The following LTA4H variants were observed in gnomAD, a reference collection of about 807,000 sequenced individuals.
The protein encoded by LTA4H is leukotriene A-4 hydrolase.
In LTA4H, 59 loss-of-function variants were observed where a neutral mutation model predicts 89.8. The ratio of observed to expected loss-of-function variants is 0.66; its 90% CI spans 0.53 to 0.82. The LOEUF (loss-of-function observed/expected upper bound fraction) is 0.82. Ranked by LOEUF, LTA4H falls within the 40% of genes least tolerant of loss-of-function variation. LTA4H has a pLI of 0.00. For synonymous variants in LTA4H, 227 were observed against 253.1 expected (o/e 0.90, Z 0.98); for missense variants, 617 against 727.0 (o/e 0.85, Z 1.74).
intron 4 of LTA4H, among the ~76,000 whole-genome samples, chr12:96,023,584 G>A (rs574059456): frequency 6.6e-6 from 1 of 152,240 alleles, no homozygotes; most frequent in African/African-American, 2.4e-5. Context: ...ATGTAATTTG[G>A]TTGTGGGATG....
rs1164292395 is a variant in LTA4H, at chr12:96,009,092, AC to A, written c.1434+1del. The stretch of plus-strand genomic sequence containing the variant: ...AATCAAAAATCACACATTATTACTT[AC>A]AGTAATCCATCTTTGACTTAAGGCA... On this transcript the variant is annotated splice_donor_variant, in intron 15 of 18. Transcript: ENST00000228740. LOFTEE classifies it high-confidence loss of function. 4 of 1,588,522 alleles carry A rather than the reference AC, an allele frequency of 2.5e-6. No homozygotes were observed. Among genetic ancestry groups the A allele is most frequent in the Non-Finnish European group, 3.5e-6 (4 of 1,158,376 alleles).
At chr12:96,003,978 G>T in intron 16 of LTA4H, 58 bp from the exon 17 acceptor site, 1 of 1,018,124 alleles carries the variant, frequency 9.8e-7, no homozygotes, top group South Asian at 1.5e-5. Context: ...TTGGAAGAAA[G>T]GAGCTGGAGA....
At position 96,035,438 on chromosome 12, in the gene LTA4H, C is replaced by T. The variant is rs2136924249; in HGVS notation, c.82G>A (p.Val28Ile). 1 of 1,609,996 alleles carries T rather than the reference C, an allele frequency of 6.2e-7. No individual in the cohort carries two copies. The highest frequency in any genetic ancestry group is 1.1e-5 in the South Asian group (1 of 90,218). Residue 28 changes from valine (V) to isoleucine (I), a missense_variant, in exon 1 of 19, where the codon GTC becomes ATC. Val to Ile is a conservative substitution (Grantham distance 29, BLOSUM62 3). Around this residue, in one of 3 missense-constraint regions of LTA4H, gnomAD observed 155 missense variants for 143.3 expected, o/e 1.08. Coordinates refer to ENST00000228740, the MANE Select transcript of LTA4H (RefSeq NM_000895.3). Reference protein sequence around the residue: ...RTKHLHLRCSVDFTRRTLTGT... With the variant: ...RTKHLHLRCSIDFTRRTLTGT... ...GTCAGCGTCCGGCGAGTAAAGTCGACGCTGCAGCGCAGGTGCAGGTGCTTG... is the reference window on the plus strand; with the variant it reads ...GTCAGCGTCCGGCGAGTAAAGTCGATGCTGCAGCGCAGGTGCAGGTGCTTG...
Position 96,029,161 on chromosome 12 carries a change from T to C in LTA4H, c.184A>G (p.Ile62Val), listed in dbSNP as rs1184471749. The change falls in exon 2 of 19, where the codon ATA (isoleucine) becomes GTA (valine). Residue 62 changes from isoleucine to valine, a missense_variant. Physicochemically the swap from Ile to Val is conservative, Grantham distance 29. Around this residue, in one of 3 missense-constraint regions of LTA4H, gnomAD observed 155 missense variants for 143.3 expected, o/e 1.08. Transcript: ENST00000228740. ...TGTCCATTGATCACTACTTTTTCTATTGTAAGGTCCTTTGTATCCAAAACC... is the reference window on the plus strand; with the variant it reads ...TGTCCATTGATCACTACTTTTTCTACTGTAAGGTCCTTTGTATCCAAAACC... Reference protein sequence around the residue: ...SLVLDTKDLTIEKVVINGQEV... With the variant: ...SLVLDTKDLTVEKVVINGQEV... 3 of 1,561,426 alleles carry C rather than the reference T, an allele frequency of 1.9e-6. No homozygotes were observed. The highest frequency in any genetic ancestry group is 2.4e-5 in the South Asian group (2 of 85,096).
chr12:96,027,444 C>T lies in LTA4H; in HGVS notation c.411G>A (p.Gln137=), dbSNP rs1264506815. ...GAAATCATTCTGGAATCCTTTTTAC[C>T]TGGCACTGACTAAAGAGATATGGGT... is the stretch of plus-strand genomic sequence containing the variant. ...KEHPYLFSQC[Q]AIHCRAILPC... is the part of the protein sequence containing the mutation. The change falls in exon 3 of 19, where the codon CAG becomes CAA. Residue 137 remains glutamine (Q), a splice_region_variant and synonymous_variant. Transcript: ENST00000228740. 2.5e-6 allele frequency: 4 copies of T among 1,586,832 alleles called. No homozygotes were observed. Among genetic ancestry groups the T allele is most frequent in the Non-Finnish European group, 3.4e-6 (4 of 1,170,282 alleles).
Position 96,035,500 on chromosome 12 carries a change from G to T in LTA4H, c.20C>A (p.Thr7Asn), listed in dbSNP as rs1555247847. Residue 7 changes from threonine to asparagine, a missense_variant, in exon 1 of 19, where the codon ACC (threonine) becomes AAC (asparagine). Thr to Asn is a moderately conservative substitution (Grantham distance 65). This residue lies in a region of LTA4H where 155 missense variants were observed against 143.3 expected (regional missense o/e 1.08). Transcript: ENST00000228740. The part of the protein sequence containing the change: MPEIVD[T>N]CSLASPASVC... ...GGAAGCCGGAGAGGCCAACGAACAG[G>T]TATCCACTATCTCGGGCATGGCTCT... 1.2e-6 allele frequency: 2 copies of T among 1,607,614 alleles called. No homozygotes were observed. Among genetic ancestry groups the T allele is most frequent in the Non-Finnish European group, 8.5e-7 (1 of 1,177,086 alleles).
chr12:96,035,756 T>C, upstream of LTA4H: 6 of 1,037,878 alleles, frequency 5.8e-6, no homozygotes, highest in Non-Finnish European at 7.7e-6. Context: ...AGCGTGTGTG[T>C]TAGGGATGTT....
intron 12 of LTA4H, chr12:96,014,431 A>G (rs1163459908): frequency 1.3e-5 from 2 of 157,628 alleles, no homozygotes; most frequent in African/African-American, 4.8e-5. Context: ...TTTTGTAATT[A>G]AAATAATTAC....
At chr12:96,036,597 A>G (rs1035830018), upstream of LTA4H, among the ~76,000 whole-genome samples, 1 of 152,214 alleles carries the variant, frequency 6.6e-6, no homozygotes, top group Non-Finnish European at 1.5e-5. Flanking sequence ...ATAGGTAAGT[A>G]GTAAGTTAGG....
intron 16 of LTA4H, 34 bp downstream of exon 16, chr12:96,006,280 A>T (rs781655302): frequency 7.2e-7 from 1 of 1,393,574 alleles, no homozygotes; most frequent in Non-Finnish European, 1.0e-6. Flanking sequence ...CTTTCTGTCC[A>T]TTTTAATTTC....
intron 14 of LTA4H, chr12:96,011,649 G>T (rs927009538): frequency 2.6e-5 from 4 of 152,278 alleles, no homozygotes; most frequent in Admixed American, 2.6e-4. Flanking sequence ...TGCTCTGTGA[G>T]TTCCTTATTC....
intron 8 of LTA4H, among the ~76,000 whole-genome samples, chr12:96,018,047 C>T (rs191371072): frequency 9.9e-5 from 15 of 151,960 alleles, no homozygotes; most frequent in Admixed American, 7.2e-4. Flanking sequence ...AACATAGCAG[C>T]GTTCTATGGC....
At chr12:96,001,401 T>A (rs1950100274) in intron 18 of LTA4H, among the ~76,000 whole-genome samples, 1 of 152,030 alleles carries the variant, frequency 6.6e-6, no homozygotes, top group Admixed American at 6.6e-5. Flanking sequence ...TACTGGCAGA[T>A]CAGACATTTT....
chr12:96,033,309 T>C (rs1389198363), intron 1 of LTA4H, among the ~76,000 whole-genome samples: 2 of 152,162 alleles, frequency 1.3e-5, no homozygotes, highest in Non-Finnish European at 2.9e-5. Context: ...CAAGGTTTTA[T>C]TATATCTTAA....
chr12:96,021,198 G>T, intron 5 of LTA4H, 61 bp from the exon 6 acceptor site: 3 of 1,234,452 alleles, frequency 2.4e-6, no homozygotes, highest in Non-Finnish European at 2.2e-6. Context: ...ATGTTACACA[G>T]TAAGACAATT....
chr12:96,008,690 AAGGTGGG>A (rs1950246997), intron 15 of LTA4H, among the ~76,000 whole-genome samples: 1 of 152,094 alleles, frequency 6.6e-6, no homozygotes, highest in South Asian at 2.1e-4. Flanking sequence ...TTGGGAGGCT[AAGGTGGG>A]AGGATCACTG....
At chr12:96,038,049 A>G (rs115688683), upstream of LTA4H, among the ~76,000 whole-genome samples, 484 of 152,192 alleles carry the variant, frequency 3.2e-3, 1 homozygote, top group African/African-American at 0.011. Flanking sequence ...ACATGTTTAG[A>G]TATACAGGTG....
chr12:96,035,004 T>C lies in LTA4H; in HGVS notation c.159+357A>G, dbSNP rs572515413. On this transcript the variant is annotated intron_variant, in intron 1 of 18. Coordinates refer to ENST00000228740, the MANE Select transcript of LTA4H (RefSeq NM_000895.3). ...AGCCAGGAACTAAAATTATGGGGGCTACTGCAAAGATGACACCTAAGGGCT... is the reference window on the plus strand; with the variant it reads ...AGCCAGGAACTAAAATTATGGGGGCCACTGCAAAGATGACACCTAAGGGCT... Among the ~76,000 whole-genome samples the C allele has an allele frequency of 2.6e-5, 4 of 151,974 alleles. No individual in the cohort carries two copies. The East Asian group carries it at 7.7e-4, about 29-fold the overall frequency.
At chr12:96,003,793 T>C (rs753594742) in intron 17 of LTA4H, 45 bp downstream of exon 17, 1 of 1,346,232 alleles carries the variant, frequency 7.4e-7, no homozygotes, top group Non-Finnish European at 1.1e-6. Flanking sequence ...TCAAAGGAGT[T>C]TAGTTTTCTG....
Sources: gnomAD v4.1 joint callset for allele counts (sites outside exome capture counted in the v4.1 genomes callset) on GRCh38, gnomAD v4.1.1 for gene constraint, gnomAD v4.1.1 regional missense constraint, MANE v1.5 for transcripts, NCBI Gene and HGNC (gene_info 2026-07-23, HGNC 2026-07-21) for gene names.